The following ASTN2 variants were observed in gnomAD, a reference collection of about 807,000 sequenced individuals.
The protein encoded by ASTN2 is astrotactin-2.
In ASTN2, 54 loss-of-function variants were observed where a neutral mutation model predicts 139.8. The observed-to-expected ratio is 0.39, with a 90% CI of 0.31 to 0.48. The LOEUF is 0.48. Ranked by LOEUF, ASTN2 falls within the 20% of genes least tolerant of loss-of-function variation. The pLI is 0.95. For synonymous variants in ASTN2, 756 were observed against 719.5 expected, an observed-to-expected ratio of 1.05 and a Z score of -0.81; for missense variants, 1,565 against 1,725.1, an observed-to-expected ratio of 0.91 and a Z score of 1.64.
At chr9:117,283,470 T>C (rs1834374847) in intron 2 of ASTN2, among the ~76,000 whole-genome samples, 1 of 152,216 alleles carries the variant, frequency 6.6e-6, no homozygotes, top group African/African-American at 2.4e-5. Context: ...CCCACTTTTG[T>C]AAAAAAGTAC....
At chr9:117,313,419 C>T (rs1264166038) in intron 1 of ASTN2, among the ~76,000 whole-genome samples, 3 of 152,178 alleles carry the variant, frequency 2.0e-5, no homozygotes, top group African/African-American at 7.2e-5. Flanking sequence ...TCATCACATG[C>T]ACTCAAGGCA....
At chr9:116,927,620 G>A (rs1468664911) in intron 10 of ASTN2, among the ~76,000 whole-genome samples, 2 of 152,168 alleles carry the variant, frequency 1.3e-5, no homozygotes, top group Non-Finnish European at 2.9e-5. Context: ...GTACTAGGTG[G>A]TCCTTCTTTT....
chr9:117,180,809 C>T, intron 3 of ASTN2: 1 of 1,545,964 alleles, frequency 6.5e-7, no homozygotes, highest in Non-Finnish European at 8.8e-7. Context: ...TCTTCAAATT[C>T]ATCAACATTG....
intron 2 of ASTN2, among the ~76,000 whole-genome samples, chr9:117,280,995 A>G (rs1335068922): frequency 6.6e-6 from 1 of 152,146 alleles, no homozygotes; most frequent in Non-Finnish European, 1.5e-5. Context: ...CTGGAATTCT[A>G]CTGTAAGAAA....
chr9:117,032,079 C>G (rs1838262893), intron 6 of ASTN2, among the ~76,000 whole-genome samples: 1 of 152,014 alleles, frequency 6.6e-6, no homozygotes, highest in African/African-American at 2.4e-5. Flanking sequence ...GTAACAGTAA[C>G]AGTAACAGTA....
At chr9:117,182,326 G>GACACACACACAC (rs35259944) in intron 3 of ASTN2, among the ~76,000 whole-genome samples, 1 of 149,184 alleles carries the variant, frequency 6.7e-6, no homozygotes, top group African/African-American at 2.5e-5. Context: ...CACAGACACA[G>GACACACACACAC]ACACACACAC....
intron 2 of ASTN2, among the ~76,000 whole-genome samples, chr9:117,248,005 C>A (rs1244152035): frequency 6.6e-6 from 1 of 152,196 alleles, no homozygotes; most frequent in Non-Finnish European, 1.5e-5. Flanking sequence ...CTCCAACAGA[C>A]AATGAAAATG....
intron 10 of ASTN2, among the ~76,000 whole-genome samples, chr9:116,904,928 G>A (rs767314672): frequency 2.6e-5 from 4 of 152,108 alleles, no homozygotes; most frequent in Non-Finnish European, 5.9e-5. Context: ...TGAGGCCCAG[G>A]CCAAATGCCC....
At chr9:117,015,016 TTTG>T (rs528035282) in intron 6 of ASTN2, among the ~76,000 whole-genome samples, 6 of 151,996 alleles carry the variant, frequency 3.9e-5, no homozygotes, top group African/African-American at 7.2e-5. Flanking sequence ...TTGTTTGTTG[TTTG>T]TTGTTGTTGT....
chr9:116,665,072 T>TCA (rs1858783431), intron 16 of ASTN2, among the ~76,000 whole-genome samples: 5 of 152,178 alleles, frequency 3.3e-5, no homozygotes, highest in Non-Finnish European at 7.3e-5. Context: ...TCTTGCCATG[T>TCA]GATACACCTA....
chr9:117,290,740 G>A (rs187841150), intron 2 of ASTN2, among the ~76,000 whole-genome samples: 2 of 152,292 alleles, frequency 1.3e-5, no homozygotes, highest in African/African-American at 4.8e-5. Flanking sequence ...TCCATCATTC[G>A]CTGGCTATGT....
At chr9:116,820,129 A>G (rs1831445142) in intron 12 of ASTN2, among the ~76,000 whole-genome samples, 2 of 152,172 alleles carry the variant, frequency 1.3e-5, no homozygotes, top group Non-Finnish European at 2.9e-5. Flanking sequence ...AATTGTCCTT[A>G]CAGATACGGA....
chr9:117,016,004 G>A (rs1837661983), intron 6 of ASTN2, among the ~76,000 whole-genome samples: 1 of 151,956 alleles, frequency 6.6e-6, no homozygotes, highest in Non-Finnish European at 1.5e-5. Context: ...TAATACCAGA[G>A]ATATATTGTA....
chr9:116,839,375 CAT>C (rs1282641563), intron 11 of ASTN2, among the ~76,000 whole-genome samples: 1 of 151,972 alleles, frequency 6.6e-6, no homozygotes, highest in African/African-American at 2.4e-5. Context: ...ATCTACATAT[CAT>C]AAAATTTACT....
rs532055756 is a variant in ASTN2 at position 117,040,031 on chromosome 9, G to A, written c.1277-66C>T. On this transcript the variant is annotated intron_variant, in intron 5 of 22. Transcript: ENST00000313400. Reference sequence around the variant, plus strand: ...GGTGAGGAAATGGGATTGGCATCAAGTTTGGGAATTCTATTATTTTCCAGT... The same window carrying A: ...GGTGAGGAAATGGGATTGGCATCAAATTTGGGAATTCTATTATTTTCCAGT... The A allele has an allele frequency of 2.1e-6, 3 of 1,459,168 alleles. No homozygotes were observed. In the East Asian group the frequency reaches 7.3e-5, roughly 36 times the overall value. 90.4% of individuals were successfully genotyped at this position (1,459,168 alleles called of 1,614,324 possible). A position where few individuals can be genotyped will look rare whatever the true frequency, so the allele number is the denominator to read the frequency against.
At chr9:117,314,514 C>T (rs953943271) in intron 1 of ASTN2, among the ~76,000 whole-genome samples, 1 of 150,848 alleles carries the variant, frequency 6.6e-6, no homozygotes, top group Non-Finnish European at 1.5e-5. Flanking sequence ...ATACCCCCTA[C>T]CCAGATCTAA....
At chr9:117,123,823 T>C (rs1470601071) in intron 4 of ASTN2, among the ~76,000 whole-genome samples, 1 of 152,174 alleles carries the variant, frequency 6.6e-6, no homozygotes, top group Non-Finnish European at 1.5e-5. Flanking sequence ...AATTCGGACT[T>C]GGACTTCACC....
intron 16 of ASTN2, among the ~76,000 whole-genome samples, chr9:116,717,364 C>T (rs897830008): frequency 6.6e-6 from 1 of 152,104 alleles, no homozygotes; most frequent in South Asian, 2.1e-4. Flanking sequence ...TTTAATGAAC[C>T]ACATCCTGTA....
intron 20 of ASTN2, among the ~76,000 whole-genome samples, chr9:116,466,948 T>C (rs1027916118): frequency 1.3e-5 from 2 of 152,166 alleles, no homozygotes; most frequent in Admixed American, 6.6e-5. Flanking sequence ...TTTGGAAGCA[T>C]GGTACCTATA....
Sources: allele counts gnomAD v4.1 joint callset (sites outside exome capture counted in the v4.1 genomes callset), GRCh38; gene constraint gnomAD v4.1.1; transcripts MANE v1.5; gene names NCBI Gene and HGNC (gene_info 2026-07-23, HGNC 2026-07-21).